DOCK8: variants seen among roughly 807,000 people sequenced by gnomAD.
The protein encoded by DOCK8 is dedicator of cytokinesis protein 8.
DOCK8 carries 141 observed loss-of-function variants against 245.6 expected under a neutral mutation model. That is an observed-to-expected ratio of 0.57 (90% confidence interval 0.50 to 0.66). DOCK8 has a LOEUF of 0.66. Among genes scored for constraint, DOCK8 ranks in the 30% least tolerant of loss-of-function variants. The pLI, the probability that DOCK8 is intolerant of heterozygous loss-of-function variation, is 0.00. For missense variants in DOCK8, 2,965 were observed against 2,603.4 expected, an observed-to-expected ratio of 1.14 and a Z score of -3.02; for synonymous variants, 1,168 against 970.2, an observed-to-expected ratio of 1.20 and a Z score of -3.79.
At chr9:376,157 T>A in intron 18 of DOCK8, 53 bp from the exon 19 acceptor site, 4 of 1,280,328 alleles carry the variant, frequency 3.1e-6, no homozygotes, top group Non-Finnish European at 4.6e-6. Flanking sequence ...TGCTTGTTAG[T>A]AATCAGAAAA....
intron 1 of DOCK8, among the ~76,000 whole-genome samples, chr9:266,142 G>C (rs943013357): frequency 1.3e-5 from 2 of 152,004 alleles, no homozygotes; most frequent in African/African-American, 4.8e-5. Context: ...TCAAAATCTG[G>C]CTCAGAAATC....
At chr9:308,962 C>T (rs546721206) in intron 5 of DOCK8, among the ~76,000 whole-genome samples, 1 of 152,164 alleles carries the variant, frequency 6.6e-6, no homozygotes, top group Non-Finnish European at 1.5e-5. Context: ...TGGCCAGGTT[C>T]TTTCTTTTAA....
chr9:216,017 T>G (rs543766111), intron 1 of DOCK8, among the ~76,000 whole-genome samples: 2 of 152,298 alleles, frequency 1.3e-5, no homozygotes, highest in South Asian at 4.1e-4. Context: ...GTGCTGTTAG[T>G]GTGTGAAGAG....
At chr9:270,891 A>G (rs904570179) in intron 1 of DOCK8, among the ~76,000 whole-genome samples, 2 of 152,216 alleles carry the variant, frequency 1.3e-5, no homozygotes, top group African/African-American at 4.8e-5. Context: ...ACGTGCTCTG[A>G]GTTCCAAACA....
chr9:218,861 A>G (rs2046821998), intron 1 of DOCK8, among the ~76,000 whole-genome samples: 1 of 152,348 alleles, frequency 6.6e-6, no homozygotes. Context: ...TGGCAGAGAC[A>G]GTTCTAAATA....
At chr9:221,671 A>G (rs1394497806) in intron 1 of DOCK8, among the ~76,000 whole-genome samples, 1 of 151,454 alleles carries the variant, frequency 6.6e-6, no homozygotes, top group Non-Finnish European at 1.5e-5. Context: ...AAAAAAAAAA[A>G]ATTAGCCAGG....
intron 4 of DOCK8, among the ~76,000 whole-genome samples, chr9:300,786 A>T (rs1197762953): frequency 6.6e-6 from 1 of 152,136 alleles, no homozygotes; most frequent in Non-Finnish European, 1.5e-5. Flanking sequence ...AGCCCCCTAA[A>T]ATTGAAGCAG....
rs746392962 is a variant in DOCK8, at chr9:439,405, C to T, written c.5223+17C>T. On this transcript the variant is annotated intron_variant, in intron 40 of 47. Transcript: ENST00000432829. ...TTCAGCACGGTCAGTGCCCAGAGGG[C>T]ATCCCGGGGCCTGGCCTCCCATACT... is the stretch of plus-strand genomic sequence containing the variant. The T allele has an allele frequency of 1.2e-6, 2 of 1,611,180 alleles. No homozygotes were observed. Among genetic ancestry groups the T allele is most frequent in the South Asian group, 1.1e-5 (1 of 91,026 alleles).
intron 14 of DOCK8, among the ~76,000 whole-genome samples, chr9:349,927 A>G (rs564996790): frequency 1.4e-4 from 21 of 152,172 alleles, no homozygotes; most frequent in South Asian, 8.3e-4. Context: ...TTTATACTTC[A>G]TGTAATCTGT....
rs143620084 is a variant in DOCK8 at position 328,848 on chromosome 9, G to T, written c.1044+677G>T. Among the ~76,000 whole-genome samples, 199 of 150,012 alleles carry T rather than the reference G, an allele frequency of 1.3e-3. 1 individual carries two copies. The highest frequency in any genetic ancestry group is 4.6e-3 in the African/African-American group (186 of 40,798). On this transcript the variant is annotated intron_variant, in intron 9 of 47. Transcript: ENST00000432829. ...ACTCTTTGCTGTTGTAAGAAAACCA[G>T]ATCCTTTCTCTGTACACCAAAATGA...
At chr9:215,168 G>A (rs1278402627) in intron 1 of DOCK8, 139 bp downstream of exon 1, 1 of 1,501,938 alleles carries the variant, frequency 6.7e-7, no homozygotes, top group Admixed American at 2.2e-5. Context: ...GGGGCGCCCG[G>A]TTCCCGAGGC....
intron 18 of DOCK8, among the ~76,000 whole-genome samples, chr9:374,307 A>C (rs2053424845): frequency 6.6e-6 from 1 of 152,206 alleles, no homozygotes; most frequent in Non-Finnish European, 1.5e-5. Flanking sequence ...TATGTGCTAT[A>C]AGTAAAATAT....
intron 14 of DOCK8, among the ~76,000 whole-genome samples, chr9:357,161 GC>G (rs1563959419): frequency 6.6e-6 from 1 of 152,186 alleles, no homozygotes; most frequent in African/African-American, 2.4e-5. Context: ...CAGAAGGAAT[GC>G]TGGTTTTCCA....
At chr9:252,174 C>T (rs903873534) in intron 1 of DOCK8, among the ~76,000 whole-genome samples, 1 of 151,778 alleles carries the variant, frequency 6.6e-6, no homozygotes, top group Non-Finnish European at 1.5e-5. Flanking sequence ...GGGGTCTCAC[C>T]ATGTTGGTCA....
At chr9:218,656 T>C (rs1354048624) in intron 1 of DOCK8, among the ~76,000 whole-genome samples, 1 of 152,188 alleles carries the variant, frequency 6.6e-6, no homozygotes, top group Non-Finnish European at 1.5e-5. Flanking sequence ...ACTCTGAAAA[T>C]TTATTAAACA....
At position 325,190 on chromosome 9, in the gene DOCK8, A is replaced by G. The variant is rs140314710; in HGVS notation, c.828-481A>G. 8.2e-4 allele frequency among the ~76,000 whole-genome samples: 125 copies of G among 152,338 alleles called. 2 individuals are homozygous for G. In the East Asian group the frequency reaches 0.022, roughly 27 times the overall value. On this transcript the variant is annotated intron_variant, in intron 7 of 47. Coordinates refer to ENST00000432829, the MANE Select transcript of DOCK8 (RefSeq NM_203447.4). ...AAGCAGTATTCCATAGTGTATAGATACCACATTTTCTTTATCTACTCATTG... is the reference window on the plus strand; with the variant it reads ...AAGCAGTATTCCATAGTGTATAGATGCCACATTTTCTTTATCTACTCATTG...
At chr9:239,169 G>A (rs1179654699) in intron 1 of DOCK8, among the ~76,000 whole-genome samples, 1 of 152,142 alleles carries the variant, frequency 6.6e-6, no homozygotes, top group East Asian at 1.9e-4. Flanking sequence ...TGTATTTAGA[G>A]TTCACAAAAT....
intron 1 of DOCK8, among the ~76,000 whole-genome samples, chr9:259,005 GAAAAA>G (rs112655646): frequency 6.8e-6 from 1 of 148,082 alleles, no homozygotes; most frequent in Non-Finnish European, 1.5e-5. Context: ...TTTAGAAAAA[GAAAAA>G]AAAAAACAAC....
upstream of DOCK8, chr9:214,591 G>C (rs969594444): frequency 2.5e-6 from 4 of 1,613,928 alleles, no homozygotes; most frequent in Admixed American, 1.7e-5. Context: ...CAGCCTCGCA[G>C]CTTCGGGCAG....
Sources: gnomAD v4.1 joint callset for allele counts (sites outside exome capture counted in the v4.1 genomes callset) on GRCh38, gnomAD v4.1.1 for gene constraint, MANE v1.5 for transcripts, NCBI Gene and HGNC (gene_info 2026-07-23, HGNC 2026-07-21) for gene names.